The following ABCA1 variants were observed in gnomAD, a reference collection of about 807,000 sequenced individuals.
The protein encoded by ABCA1 is phospholipid-transporting ATPase ABCA1.
A neutral mutation model predicts 262.5 loss-of-function variants in ABCA1; 133 were observed. That is an observed-to-expected ratio of 0.51 (90% CI 0.44 to 0.59). The LOEUF (loss-of-function observed/expected upper bound fraction) is 0.59, where lower values mean the gene tolerates loss of function less well. ABCA1 is among the 20% of genes least tolerant of loss of function. The probability of loss-of-function intolerance (pLI) is 0.00; values close to 1 mark genes in which losing one functional copy is unlikely to be tolerated. For synonymous variants in ABCA1, 1,022 were observed against 1,043.5 expected (o/e 0.98, Z 0.40); for missense variants, 2,452 against 2,777.5 (o/e 0.88, Z 2.63).
chr9:104,850,610 A>C (rs1185943447), intron 7 of ABCA1, among the ~76,000 whole-genome samples: 1 of 152,266 alleles, frequency 6.6e-6, no homozygotes, highest in African/African-American at 2.4e-5. Context: ...GAATAAAATT[A>C]ACCCCAGGAA....
chr9:104,889,249 A>G lies in ABCA1; in HGVS notation c.67-54T>C, dbSNP rs1022419873. 48 of 1,579,880 alleles carry G rather than the reference A, an allele frequency of 3.0e-5. No homozygotes were observed. The Admixed American group carries it at 8.3e-4, about 27-fold the overall frequency. On this transcript the variant is annotated intron_variant, in intron 2 of 49. Transcript: ENST00000374736. ...AAATTTAAAAATAATATGGATATCCAATGCCACTGGGATCTGGGAAATCCA... is the reference window on the plus strand; with the variant it reads ...AAATTTAAAAATAATATGGATATCCGATGCCACTGGGATCTGGGAAATCCA...
At chr9:104,800,619 G>A (rs1245272847) in intron 34 of ABCA1, 35 bp from the exon 35 acceptor site, 1 of 1,597,244 alleles carries the variant, frequency 6.3e-7, no homozygotes, top group African/African-American at 1.3e-5. Context: ...AGTTGTGACT[G>A]TTCACATAGA....
intron 30 of ABCA1, among the ~76,000 whole-genome samples, 189 bp from the exon 31 acceptor site, chr9:104,806,619 T>C (rs1830790737): frequency 6.6e-6 from 1 of 152,236 alleles, no homozygotes; most frequent in Non-Finnish European, 1.5e-5. Flanking sequence ...ACATCATTTA[T>C]ATCATCATTA....
At chr9:104,787,036 TGTTTTTAAATGCA>T in intron 46 of ABCA1, 60 bp from the exon 47 acceptor site, 1 of 1,473,298 alleles carries the variant, frequency 6.8e-7, no homozygotes, top group Non-Finnish European at 9.4e-7. Context: ...AAGATAAATT[TGTTTTTAAATGCA>T]GAAGCATCTT....
At chr9:104,923,744 C>T (rs1318891864) in intron 1 of ABCA1, among the ~76,000 whole-genome samples, 3 of 152,212 alleles carry the variant, frequency 2.0e-5, no homozygotes, top group African/African-American at 7.2e-5. Flanking sequence ...TGTGAAAATT[C>T]AATTAGCATT....
chr9:104,893,076 A>G (rs1839889321), intron 2 of ABCA1, among the ~76,000 whole-genome samples: 1 of 152,222 alleles, frequency 6.6e-6, no homozygotes, highest in African/African-American at 2.4e-5. Context: ...AATATTAACA[A>G]AGACAGGAAT....
chr9:104,823,610 G>A (rs937538781), intron 18 of ABCA1, among the ~76,000 whole-genome samples: 7 of 152,114 alleles, frequency 4.6e-5, no homozygotes, highest in Non-Finnish European at 1.0e-4. Flanking sequence ...CTCAGGGGAG[G>A]GGATCCGGAA....
chr9:104,844,441 G>A (rs1234255153), intron 8 of ABCA1, among the ~76,000 whole-genome samples: 1 of 152,022 alleles, frequency 6.6e-6, no homozygotes, highest in Non-Finnish European at 1.5e-5. Context: ...AAAGAAAGTA[G>A]AACAGGACAG....
At chr9:104,871,281 T>A (rs1837584418) in intron 5 of ABCA1, among the ~76,000 whole-genome samples, 3 of 152,194 alleles carry the variant, frequency 2.0e-5, no homozygotes, top group Non-Finnish European at 4.4e-5. Context: ...TCCAGAACTG[T>A]GAGAAGTAAA....
In ABCA1 at chr9:104,798,631, G is replaced by A. The variant is rs748080403; in HGVS notation, c.4944-33C>T. The A allele has an allele frequency of 1.9e-6, 3 of 1,599,450 alleles. No individual in the cohort carries two copies. In the South Asian group the frequency reaches 3.3e-5, roughly 18 times the overall value. ...GAAAAAGCGTGTGAAAATCTGAGGG[G>A]TCTTTGATGCAGTTAGGGCTCAATC... On this transcript the variant is annotated intron_variant, in intron 36 of 49. Coordinates refer to ENST00000374736, the MANE Select transcript of ABCA1 (RefSeq NM_005502.4).
intron 7 of ABCA1, among the ~76,000 whole-genome samples, chr9:104,857,806 C>T (rs955068392): frequency 1.3e-5 from 2 of 152,118 alleles, no homozygotes; most frequent in African/African-American, 4.8e-5. Flanking sequence ...AGTAGAAAAC[C>T]AGAATCCTGG....
Position 104,784,165 on chromosome 9 carries a change from G to T in ABCA1, c.*150C>A, listed in dbSNP as rs1360704978. 1.0e-6 allele frequency: 1 copy of T among 998,086 alleles called. No individual in the cohort carries two copies. Among genetic ancestry groups the T allele is most frequent in the East Asian group, 2.4e-5 (1 of 41,168 alleles). 61.8% of individuals were successfully genotyped at this position (998,086 alleles called of 1,614,324 possible). A position where few individuals can be genotyped will look rare whatever the true frequency, so the allele number is the denominator to read the frequency against. On this transcript the variant is annotated 3_prime_UTR_variant, in exon 50 of 50. Coordinates refer to ENST00000374736, the MANE Select transcript of ABCA1 (RefSeq NM_005502.4). The stretch of plus-strand genomic sequence containing the variant: ...AATGGAATTTTGTTTTCATTGCATT[G>T]AATTGCATTGCATTGAATAGTATCA...
chr9:104,878,411 T>C (rs1838331211), intron 5 of ABCA1, among the ~76,000 whole-genome samples: 1 of 152,214 alleles, frequency 6.6e-6, no homozygotes, highest in African/African-American at 2.4e-5. Context: ...GTCCACGGCT[T>C]AATTCCTGAA....
At chr9:104,860,754 T>TC (rs1174227611) in intron 6 of ABCA1, among the ~76,000 whole-genome samples, 1 of 133,436 alleles carries the variant, frequency 7.5e-6, no homozygotes, top group Non-Finnish European at 1.5e-5. Context: ...TTTATAAAAT[T>TC]CTTTTTTTTT....
intron 5 of ABCA1, among the ~76,000 whole-genome samples, chr9:104,862,357 C>T (rs547428134): frequency 6.6e-6 from 1 of 150,866 alleles, no homozygotes; most frequent in Non-Finnish European, 1.5e-5. Context: ...ATCCAACCTG[C>T]CTTGGCCTCC....
chr9:104,812,080 C>T (rs2118935073), intron 28 of ABCA1, among the ~76,000 whole-genome samples: 1 of 152,330 alleles, frequency 6.6e-6, no homozygotes, highest in East Asian at 1.9e-4. Context: ...CAACTATATT[C>T]TGACCTATCT....
chr9:104,810,326 G>C (rs1198855652), intron 29 of ABCA1, among the ~76,000 whole-genome samples: 2 of 151,864 alleles, frequency 1.3e-5, no homozygotes, highest in African/African-American at 4.8e-5. Context: ...CAGAGTGGGG[G>C]ATATTTTTAT....
chr9:104,911,652 C>G (rs977702179), intron 1 of ABCA1, among the ~76,000 whole-genome samples: 2 of 152,146 alleles, frequency 1.3e-5, no homozygotes, highest in Non-Finnish European at 2.9e-5. Flanking sequence ...CTTGCTAGGA[C>G]AGCCTTAAAT....
At chr9:104,793,347 A>T (rs748382208) in intron 40 of ABCA1, 47 bp from the exon 41 acceptor site, 3 of 1,613,672 alleles carry the variant, frequency 1.9e-6, no homozygotes, top group Non-Finnish European at 2.5e-6. Flanking sequence ...GGGATCAAAA[A>T]CCATGGCCCT....
Sources: gnomAD v4.1 joint callset for allele counts (sites outside exome capture counted in the v4.1 genomes callset) on GRCh38, gnomAD v4.1.1 for gene constraint, MANE v1.5 for transcripts, NCBI Gene and HGNC (gene_info 2026-07-23, HGNC 2026-07-21) for gene names.